Variants in SEMA3D observed in about 807,000 individuals in gnomAD.
SEMA3D encodes semaphorin-3D.
Under a neutral mutation model 100.1 loss-of-function variants are expected in SEMA3D, and 84 were observed. The ratio of observed to expected loss-of-function variants is 0.84; its 90% confidence interval spans 0.70 to 1.01. SEMA3D has a LOEUF of 1.01. SEMA3D is among the 50% of genes least tolerant of loss of function. SEMA3D has a pLI of 0.00. For synonymous variants in SEMA3D, 312 were observed against 320.7 expected, an observed-to-expected ratio of 0.97 and a Z score of 0.29; for missense variants, 875 against 934.1, an observed-to-expected ratio of 0.94 and a Z score of 0.82.
chr7:85,188,047 T>C (rs1365876098), upstream of SEMA3D, among the ~76,000 whole-genome samples: 1 of 152,158 alleles, frequency 6.6e-6, no homozygotes, highest in Non-Finnish European at 1.5e-5. Context: ...GCACAAGGTG[T>C]AGGGTCCCAA....
chr7:85,067,025 A>C (rs1791647948), intron 7 of SEMA3D, among the ~76,000 whole-genome samples: 1 of 151,812 alleles, frequency 6.6e-6, no homozygotes, highest in African/African-American at 2.4e-5. Context: ...GTATCAGATA[A>C]ATGGCAATAT....
chr7:85,199,313 T>C, the SEMA3D span, among the ~76,000 whole-genome samples: 1 of 136,216 alleles, frequency 7.3e-6, no homozygotes, highest in Non-Finnish European at 1.7e-5. Context: ...TTTAACATTA[T>C]CGTTATTATC....
At chr7:85,063,833 T>G (rs1156930420) in intron 8 of SEMA3D, among the ~76,000 whole-genome samples, 1 of 152,194 alleles carries the variant, frequency 6.6e-6, no homozygotes, top group African/African-American at 2.4e-5. Flanking sequence ...TAGCCTTGTC[T>G]CCTACTCCCG....
Position 85,096,186 on chromosome 7 carries a change from C to T in SEMA3D, c.312+1619G>A, listed in dbSNP as rs17159614. On this transcript the variant is annotated intron_variant, in intron 4 of 18. Coordinates refer to ENST00000284136, the MANE Select transcript of SEMA3D (RefSeq NM_001384900.1). ...CCACTTTCATAAAACACGTCATCCC[C>T]TGCTAAGATATTTACTGAAAATTAA... is the stretch of plus-strand genomic sequence containing the variant. 0.019 allele frequency among the ~76,000 whole-genome samples: 2,956 copies of T among 151,938 alleles called. 255 individuals carry two copies. The East Asian group carries it at 0.2, about 10-fold the overall frequency.
At chr7:85,056,890 CATATATAT>C (rs10525654) in intron 8 of SEMA3D, among the ~76,000 whole-genome samples, 3 of 138,572 alleles carry the variant, frequency 2.2e-5, no homozygotes, top group East Asian at 2.1e-4. Context: ...ACATATACAG[CATATATAT>C]ATATATATAT....
At chr7:85,250,126 G>A in the SEMA3D span, among the ~76,000 whole-genome samples, 1 of 152,002 alleles carries the variant, frequency 6.6e-6, no homozygotes, top group African/African-American at 2.4e-5. Flanking sequence ...TGGAGAATCG[G>A]GTCACTCCCA....
intron 1 of SEMA3D, among the ~76,000 whole-genome samples, chr7:85,173,249 TTAAAAG>T (rs1791135130): frequency 6.6e-6 from 1 of 152,008 alleles, no homozygotes; most frequent in African/African-American, 2.4e-5. Flanking sequence ...AGTAGATAGT[TTAAAAG>T]TAAACAGAAA....
intron 12 of SEMA3D, 109 bp downstream of exon 12, chr7:85,036,780 T>C (rs748252072): frequency 1.7e-5 from 14 of 819,182 alleles, no homozygotes; most frequent in Non-Finnish European, 2.4e-5. Context: ...TGCAAATAAA[T>C]GTTATTACAG....
chr7:85,026,517 G>A (rs1489734988), intron 12 of SEMA3D, among the ~76,000 whole-genome samples: 1 of 152,008 alleles, frequency 6.6e-6, no homozygotes, highest in Non-Finnish European at 1.5e-5. Flanking sequence ...GATAGTGTGA[G>A]ACATTATGAG....
At chr7:85,153,090 G>A (rs1306439900) in intron 2 of SEMA3D, among the ~76,000 whole-genome samples, 2 of 152,054 alleles carry the variant, frequency 1.3e-5, no homozygotes, top group African/African-American at 4.8e-5. Context: ...ATATGCCAAC[G>A]TGTGCAAAAT....
At chr7:85,246,332 A>T in the SEMA3D span, among the ~76,000 whole-genome samples, 1 of 152,078 alleles carries the variant, frequency 6.6e-6, no homozygotes, top group Non-Finnish European at 1.5e-5. Context: ...TGTATTTGGA[A>T]GTACTTCATA....
intron 3 of SEMA3D, among the ~76,000 whole-genome samples, chr7:85,114,739 G>C (rs1347749055): frequency 6.6e-6 from 1 of 152,006 alleles, no homozygotes; most frequent in Non-Finnish European, 1.5e-5. Flanking sequence ...TTTAATCCAA[G>C]AAAAACATAT....
At chr7:85,222,724 T>C in the SEMA3D span, among the ~76,000 whole-genome samples, 1 of 152,042 alleles carries the variant, frequency 6.6e-6, no homozygotes, top group Admixed American at 6.6e-5. Flanking sequence ...TAGGAGTTCA[T>C]CATCAACAAA....
At chr7:85,040,888 A>G in intron 10 of SEMA3D, 146 bp from the exon 11 acceptor site, 1 of 550,700 alleles carries the variant, frequency 1.8e-6, no homozygotes, top group Non-Finnish European at 3.2e-6. Flanking sequence ...ATCAAATATA[A>G]GATTGTTTTT....
intron 2 of SEMA3D, among the ~76,000 whole-genome samples, chr7:85,126,952 T>C (rs978145960): frequency 6.6e-6 from 1 of 152,176 alleles, no homozygotes. Flanking sequence ...TTTCCTTCTG[T>C]GTATTTTCTA....
chr7:85,220,271 C>T, the SEMA3D span, among the ~76,000 whole-genome samples: 12 of 150,750 alleles, frequency 8.0e-5, no homozygotes, highest in Admixed American at 8.0e-4. Flanking sequence ...GCTATGTCAA[C>T]AAGCCAGCCT....
chr7:85,013,468 A>G (rs555022856), intron 16 of SEMA3D, among the ~76,000 whole-genome samples: 2 of 151,898 alleles, frequency 1.3e-5, no homozygotes, highest in South Asian at 2.1e-4. Context: ...TGGCTTTTGT[A>G]TCACATCACA....
Position 85,065,513 on chromosome 7 carries a change from C to T in SEMA3D, c.629G>A (p.Gly210Asp). ...GGATCGAGTGAATGCAGTATCTTTG[C>T]CAAGGAAATCAGAAGCTGTTCCAGA... The part of the protein sequence containing the change: ...LYSGTASDFL[G>D]KDTAFTRSLG... Residue 210 changes from glycine to aspartate, a missense_variant, in exon 8 of 19, where the codon GGC becomes GAC. Physicochemically the swap from Gly to Asp is moderately conservative, Grantham distance 94. Transcript: ENST00000284136. 6.2e-7 allele frequency: 1 copy of T among 1,612,940 alleles called. No individual in the cohort carries two copies. Among genetic ancestry groups the T allele is most frequent in the Non-Finnish European group, 8.5e-7 (1 of 1,179,196 alleles).
intron 1 of SEMA3D, among the ~76,000 whole-genome samples, chr7:85,166,307 TA>T (rs1790903204): frequency 6.6e-6 from 1 of 152,004 alleles, no homozygotes; most frequent in Non-Finnish European, 1.5e-5. Flanking sequence ...CTAACTTGGT[TA>T]GGGCTTATGA....
Sources: allele counts gnomAD v4.1 joint callset (sites outside exome capture counted in the v4.1 genomes callset), GRCh38; gene constraint gnomAD v4.1.1; transcripts MANE v1.5; gene names NCBI Gene and HGNC (gene_info 2026-07-23, HGNC 2026-07-21).